The following ADK variants were observed in gnomAD, a reference collection of about 807,000 sequenced individuals.
ADK encodes N6,N6-dimethyladenosine kinase.
In ADK, 24 loss-of-function variants were observed where a neutral mutation model predicts 44.7. The observed-to-expected ratio is 0.54, with a 90% CI of 0.39 to 0.76. The LOEUF is 0.76. Ranked by LOEUF, ADK falls within the 30% of genes least tolerant of loss-of-function variation. The pLI is 0.00. For synonymous variants in ADK, 128 were observed against 142.6 expected, an observed-to-expected ratio of 0.90 and a Z score of 0.73; for missense variants, 321 against 425.1, an observed-to-expected ratio of 0.76 and a Z score of 2.15.
intron 6 of ADK, among the ~76,000 whole-genome samples, chr10:74,429,013 T>G (rs1215510535): frequency 6.6e-6 from 1 of 152,142 alleles, no homozygotes; most frequent in Non-Finnish European, 1.5e-5. Flanking sequence ...TGAACATAGA[T>G]GATAAAGAAA....
chr10:74,483,796 G>A (rs1322340031), intron 6 of ADK, among the ~76,000 whole-genome samples: 1 of 152,154 alleles, frequency 6.6e-6, no homozygotes, highest in African/African-American at 2.4e-5. Context: ...CTTTGCTAAA[G>A]CATAGCAAGA....
intron 4 of ADK, among the ~76,000 whole-genome samples, chr10:74,365,953 C>A (rs73288030): frequency 0.027 from 4,044 of 152,178 alleles, 165 homozygotes; most frequent in African/African-American, 0.081. Context: ...TATGATTTGC[C>A]TTTTCCTAAT....
chr10:74,212,662 A>G (rs1180383979), intron 2 of ADK, among the ~76,000 whole-genome samples: 6 of 152,196 alleles, frequency 3.9e-5, no homozygotes, highest in Non-Finnish European at 7.3e-5. Context: ...ATTATTGGCA[A>G]TGGAGAGCAC....
intron 2 of ADK, among the ~76,000 whole-genome samples, chr10:74,215,148 T>G (rs1213166750): frequency 6.6e-6 from 1 of 152,194 alleles, no homozygotes; most frequent in Non-Finnish European, 1.5e-5. Context: ...AAAAAAATGT[T>G]GAGGACTACC....
rs555736864 is a variant in ADK at position 74,565,172 on chromosome 10, G to T, written c.727-24110G>T. 2.6e-5 allele frequency among the ~76,000 whole-genome samples: 4 copies of T among 152,328 alleles called. No individual in the cohort carries two copies. In the East Asian group the frequency reaches 7.7e-4, roughly 29 times the overall value. Reference sequence around the variant, plus strand: ...TTTTAAAGCTCTGGGAAAGTTTGGTGAAAGTTAAAAACGTGTTCAGAGAGG... The same window carrying T: ...TTTTAAAGCTCTGGGAAAGTTTGGTTAAAGTTAAAAACGTGTTCAGAGAGG... On this transcript the variant is annotated intron_variant, in intron 7 of 10. Transcript: ENST00000539909.
Position 74,636,626 on chromosome 10 carries a change from T to C in ADK, c.878-33557T>C, listed in dbSNP as rs753153226. On this transcript the variant is annotated intron_variant, in intron 9 of 10. Transcript: ENST00000539909. ...AGGACTGTATATATTTTTGTCTTTA[T>C]AGTCAAGGAATTCACAACATATGAA... is the stretch of plus-strand genomic sequence containing the variant. Among the ~76,000 whole-genome samples, 307 of 152,190 alleles carry C rather than the reference T, an allele frequency of 2.0e-3. 14 individuals carry two copies. Among genetic ancestry groups the C allele is most frequent in the Admixed American group, 1.5e-3 (23 of 15,270 alleles).
chr10:74,642,797 ACT>A (rs1853914773), intron 9 of ADK, among the ~76,000 whole-genome samples: 1 of 129,752 alleles, frequency 7.7e-6, no homozygotes, highest in Non-Finnish European at 1.7e-5. Context: ...CTACCTGATC[ACT>A]CTCTGAATTC....
intron 6 of ADK, among the ~76,000 whole-genome samples, chr10:74,399,156 G>A (rs1273219722): frequency 6.6e-6 from 1 of 151,562 alleles, no homozygotes; most frequent in Non-Finnish European, 1.5e-5. Context: ...TTCTAAAATA[G>A]GATGGTACTA....
chr10:74,553,450 C>T (rs1224884745), intron 7 of ADK, among the ~76,000 whole-genome samples: 2 of 151,932 alleles, frequency 1.3e-5, no homozygotes, highest in African/African-American at 4.8e-5. Context: ...CTGCCCTCCT[C>T]GGCCTCCCAA....
intron 6 of ADK, among the ~76,000 whole-genome samples, chr10:74,463,149 G>C (rs562314034): frequency 6.6e-6 from 1 of 152,088 alleles, no homozygotes; most frequent in African/African-American, 2.4e-5. Context: ...TTATACTGGG[G>C]GTCCCCAACC....
At position 74,409,639 on chromosome 10, in the gene ADK, G is replaced by C. The variant is rs115326444; in HGVS notation, c.555+11060G>C. ...GTCTTGACCACTTATATCTGTTTTC[G>C]GTCTAGAATTTTACTACTTTGGAGA... On this transcript the variant is annotated intron_variant, in intron 6 of 10. Coordinates refer to ENST00000539909, the MANE Select transcript of ADK (RefSeq NM_006721.4). Among the ~76,000 whole-genome samples, 1,326 of 151,646 alleles carry C rather than the reference G, an allele frequency of 8.7e-3. 23 individuals are homozygous for C. Among genetic ancestry groups the C allele is most frequent in the African/African-American group, 0.03 (1,241 of 41,320 alleles).
In ADK at chr10:74,440,901, A is replaced by G. The variant is rs145221655; in HGVS notation, c.555+42322A>G. On this transcript the variant is annotated intron_variant, in intron 6 of 10. Transcript: ENST00000539909. The stretch of plus-strand genomic sequence containing the variant: ...CCTACTATACGTATCCTGTGAAGCA[A>G]TGTGACCAATACAAAGATGAAGAAA... Among the ~76,000 whole-genome samples the G allele has an allele frequency of 8.9e-4, 136 of 152,324 alleles. 1 individual carries two copies. In the East Asian group the frequency reaches 0.024, roughly 27 times the overall value.
chr10:74,532,971 G>A lies in ADK; in HGVS notation c.726+7545G>A, dbSNP rs567709562. On this transcript the variant is annotated intron_variant, in intron 7 of 10. Transcript: ENST00000539909. ...TAGAACTAAGTGACGTAGCAAGATTGTAGCATACAGAATAAAAAATTTAAA... is the reference window on the plus strand; with the variant it reads ...TAGAACTAAGTGACGTAGCAAGATTATAGCATACAGAATAAAAAATTTAAA... Among the ~76,000 whole-genome samples the A allele has an allele frequency of 2.8e-5, 4 of 142,368 alleles. No individual in the cohort carries two copies. In the East Asian group the frequency reaches 8.8e-4, roughly 31 times the overall value. The allele number at this position is 142,368 out of a possible 152,430, so 93.4% of individuals were successfully genotyped here.
intron 8 of ADK, among the ~76,000 whole-genome samples, chr10:74,591,123 C>T (rs997903106): frequency 6.6e-6 from 1 of 151,880 alleles, no homozygotes; most frequent in African/African-American, 2.4e-5. Context: ...TTTTATTTCC[C>T]CCTTGAGCTA....
At chr10:74,570,064 G>C (rs1321229480) in intron 7 of ADK, among the ~76,000 whole-genome samples, 1 of 152,030 alleles carries the variant, frequency 6.6e-6, no homozygotes. Flanking sequence ...TGTCAGGTTT[G>C]TCAAAGATCA....
chr10:74,658,563 G>A (rs1422380209), intron 9 of ADK, among the ~76,000 whole-genome samples: 1 of 151,942 alleles, frequency 6.6e-6, no homozygotes, highest in Non-Finnish European at 1.5e-5. Flanking sequence ...AGCCTCCCAA[G>A]TAACTGGGAC....
chr10:74,686,812 C>CGACT (rs1855808490), intron 10 of ADK, among the ~76,000 whole-genome samples: 1 of 151,726 alleles, frequency 6.6e-6, no homozygotes, highest in Non-Finnish European at 1.5e-5. Context: ...AAGTAGCTGG[C>CGACT]GACTACAGGT....
chr10:74,569,630 T>A (rs1309783518), intron 7 of ADK, among the ~76,000 whole-genome samples: 2 of 152,254 alleles, frequency 1.3e-5, no homozygotes, highest in Non-Finnish European at 2.9e-5. Context: ...GGCTGTTTTT[T>A]TCTTGTGAAT....
At chr10:74,267,337 T>C (rs561318394) in intron 3 of ADK, among the ~76,000 whole-genome samples, 1 of 152,324 alleles carries the variant, frequency 6.6e-6, no homozygotes, top group South Asian at 2.1e-4. Context: ...TTTTTGGATC[T>C]ATGGGTTCAA....
Sources: gnomAD v4.1 joint callset for allele counts (sites outside exome capture counted in the v4.1 genomes callset) on GRCh38, gnomAD v4.1.1 for gene constraint, MANE v1.5 for transcripts, NCBI Gene and HGNC (gene_info 2026-07-23, HGNC 2026-07-21) for gene names.